ENOX1: variants seen among roughly 807,000 people sequenced by gnomAD.
ENOX1 encodes the protein ecto-NOX disulfide-thiol exchanger 1, also known as candidate growth-related and time keeping constitutive hydroquinone (NADH) oxidase.
Under a neutral mutation model 82.5 loss-of-function variants are expected in ENOX1, and 42 were observed. The ratio of observed to expected loss-of-function variants is 0.51; its 90% CI spans 0.40 to 0.66. The LOEUF is 0.66. Among genes scored for constraint, ENOX1 ranks in the 30% least tolerant of loss-of-function variants. The pLI is 0.00. For synonymous variants in ENOX1, 271 were observed against 282.2 expected, an observed-to-expected ratio of 0.96 and a Z score of 0.40; for missense variants, 608 against 811.6, an observed-to-expected ratio of 0.75 and a Z score of 3.05.
intron 5 of ENOX1, among the ~76,000 whole-genome samples, chr13:43,362,206 G>T (rs1391046443): frequency 6.7e-6 from 1 of 149,652 alleles, no homozygotes; most frequent in African/African-American, 2.5e-5. Context: ...AATAGAAAGT[G>T]TGCAAAACAA....
intron 1 of ENOX1, among the ~76,000 whole-genome samples, chr13:43,693,601 A>G (rs2086481902): frequency 6.6e-6 from 1 of 152,224 alleles, no homozygotes; most frequent in Non-Finnish European, 1.5e-5. Context: ...TCATTCTTAT[A>G]ATAGAAAAGG....
At chr13:43,600,345 G>A (rs1194799952) in intron 2 of ENOX1, among the ~76,000 whole-genome samples, 1 of 152,162 alleles carries the variant, frequency 6.6e-6, no homozygotes. Flanking sequence ...TCCACCACAA[G>A]TTGAACGAAG....
chr13:43,471,079 T>A lies in ENOX1; in HGVS notation c.-75+12930A>T, dbSNP rs1431841551. ...GCACAAGAATGTTTATAGAAGCTCATTCATACTAGTCGAAATGTGGAAGAA... is the reference window on the plus strand; with the variant it reads ...GCACAAGAATGTTTATAGAAGCTCAATCATACTAGTCGAAATGTGGAAGAA... On this transcript the variant is annotated intron_variant, in intron 3 of 16. Coordinates refer to ENST00000690772, the MANE Select transcript of ENOX1 (RefSeq NM_001347969.2). 7.9e-5 allele frequency among the ~76,000 whole-genome samples: 12 copies of A among 152,334 alleles called. No individual in the cohort carries two copies. In the East Asian group the frequency reaches 2.3e-3, roughly 29 times the overall value.
intron 2 of ENOX1, among the ~76,000 whole-genome samples, chr13:43,627,448 A>G (rs1002266509): frequency 2.0e-5 from 3 of 151,984 alleles, no homozygotes; most frequent in African/African-American, 7.2e-5. Flanking sequence ...GTTATTACAT[A>G]TATATGTATA....
chr13:43,363,245 G>A (rs2050640052), intron 5 of ENOX1, among the ~76,000 whole-genome samples: 1 of 152,152 alleles, frequency 6.6e-6, no homozygotes, highest in African/African-American at 2.4e-5. Flanking sequence ...AAGGCTTAAA[G>A]TACTTAAGTA....
intron 2 of ENOX1, among the ~76,000 whole-genome samples, chr13:43,597,297 A>G (rs2081514824): frequency 6.6e-6 from 1 of 152,200 alleles, no homozygotes; most frequent in African/African-American, 2.4e-5. Flanking sequence ...GAGCCAAATG[A>G]TATCATGGAG....
rs183121996 is a variant in ENOX1, at chr13:43,741,657, T to A, written c.-285+44995A>T. ...ATATACAAGTCCCTTATCAGATACATGATTTGCAACTTTTTCTCCCATTTC... is the reference window on the plus strand; with the variant it reads ...ATATACAAGTCCCTTATCAGATACAAGATTTGCAACTTTTTCTCCCATTTC... On this transcript the variant is annotated intron_variant, in intron 1 of 16. Transcript: ENST00000690772. Among the ~76,000 whole-genome samples the A allele has an allele frequency of 1.2e-3, 182 of 152,360 alleles. 1 individual carries two copies. Among genetic ancestry groups the A allele is most frequent in the African/African-American group, 4.3e-3 (179 of 41,588 alleles).
At chr13:43,783,766 A>T (rs1301582826) in intron 1 of ENOX1, among the ~76,000 whole-genome samples, 1 of 152,234 alleles carries the variant, frequency 6.6e-6, no homozygotes, top group East Asian at 1.9e-4. Flanking sequence ...TACTAGGCTT[A>T]AGAGGGCAAT....
chr13:43,408,019 G>A (rs2053903636), intron 5 of ENOX1, among the ~76,000 whole-genome samples: 1 of 152,176 alleles, frequency 6.6e-6, no homozygotes, highest in Non-Finnish European at 1.5e-5. Context: ...GGTATATTTG[G>A]GATAAAAGGA....
At chr13:43,263,044 T>A (rs1307770872) in intron 14 of ENOX1, among the ~76,000 whole-genome samples, 1 of 137,216 alleles carries the variant, frequency 7.3e-6, no homozygotes, top group Admixed American at 7.1e-5. Flanking sequence ...CATTTAAGAA[T>A]AGATTTGCAA....
At chr13:43,347,012 A>C (rs917137706) in intron 8 of ENOX1, among the ~76,000 whole-genome samples, 5 of 152,202 alleles carry the variant, frequency 3.3e-5, no homozygotes, top group Admixed American at 6.5e-5. Flanking sequence ...TGAGCTTTGC[A>C]GGGACAGAGT....
intron 3 of ENOX1, among the ~76,000 whole-genome samples, chr13:43,480,341 A>T (rs572358566): frequency 1.3e-5 from 2 of 152,280 alleles, no homozygotes; most frequent in Admixed American, 1.3e-4. Flanking sequence ...TCAATAGATG[A>T]TTTTCAATGT....
chr13:43,589,768 A>T (rs897440151), intron 2 of ENOX1, among the ~76,000 whole-genome samples: 1 of 152,134 alleles, frequency 6.6e-6, no homozygotes, highest in Non-Finnish European at 1.5e-5. Context: ...TCTTGTCCCC[A>T]GTGCACTGGG....
intron 2 of ENOX1, among the ~76,000 whole-genome samples, chr13:43,602,550 T>A (rs1594048460): frequency 6.6e-6 from 1 of 152,068 alleles, no homozygotes; most frequent in Admixed American, 6.5e-5. Flanking sequence ...GCCCAGCACT[T>A]AATAAAAATG....
At chr13:43,771,461 G>A in intron 1 of ENOX1, among the ~76,000 whole-genome samples, 1 of 151,482 alleles carries the variant, frequency 6.6e-6, no homozygotes, top group African/African-American at 2.4e-5. Flanking sequence ...TGTTCTCTGT[G>A]ACCTCTTTCA....
rs144632730 is a variant in ENOX1, at chr13:43,755,302, T to C, written c.-285+31350A>G. ...ATGCTATATGAAGGGCAGAGAGAAA[T>C]AGACACCAGGAGAAAAACATACAGA... On this transcript the variant is annotated intron_variant, in intron 1 of 16. Transcript: ENST00000690772. Among the ~76,000 whole-genome samples, 1,139 of 152,218 alleles carry C rather than the reference T, an allele frequency of 7.5e-3. 13 individuals carry two copies. Among genetic ancestry groups the C allele is most frequent in the Non-Finnish European group, 0.012 (836 of 68,006 alleles).
chr13:43,686,265 GGA>G (rs2086069858), intron 1 of ENOX1, among the ~76,000 whole-genome samples: 1 of 152,086 alleles, frequency 6.6e-6, no homozygotes, highest in Admixed American at 6.5e-5. Flanking sequence ...TCAAAGTGTA[GGA>G]AGCTTTAGTA....
intron 11 of ENOX1, among the ~76,000 whole-genome samples, chr13:43,304,512 G>C (rs1431113959): frequency 1.3e-5 from 2 of 152,290 alleles, no homozygotes; most frequent in East Asian, 3.9e-4. Context: ...GTAGTGGCTA[G>C]TTTGCTCCTA....
chr13:43,331,491 A>G (rs1343907405), intron 9 of ENOX1, among the ~76,000 whole-genome samples: 1 of 152,202 alleles, frequency 6.6e-6, no homozygotes, highest in East Asian at 1.9e-4. Context: ...CAGGGTACAC[A>G]GGACATTTTT....
Sources: allele counts gnomAD v4.1 joint callset (sites outside exome capture counted in the v4.1 genomes callset), GRCh38; gene constraint gnomAD v4.1.1; transcripts MANE v1.5; gene names NCBI Gene and HGNC (gene_info 2026-07-23, HGNC 2026-07-21).